Variants in ADORA1 observed in about 807,000 individuals in gnomAD.
ADORA1 encodes adenosine receptor A1.
In ADORA1, 6 loss-of-function variants were observed where a neutral mutation model predicts 19.9. The ratio of observed to expected loss-of-function variants is 0.30; its 90% CI spans 0.17 to 0.59. The LOEUF (loss-of-function observed/expected upper bound fraction) is 0.59. Among genes scored for constraint, ADORA1 ranks in the 20% least tolerant of loss-of-function variants. The pLI is 0.87. For synonymous variants in ADORA1, 194 were observed against 188.4 expected, an observed-to-expected ratio of 1.03 and a Z score of -0.24; for missense variants, 302 against 439.2, an observed-to-expected ratio of 0.69 and a Z score of 2.79.
intron 3 of ADORA1, among the ~76,000 whole-genome samples, chr1:203,153,237 G>C (rs965398119): frequency 1.3e-5 from 2 of 152,198 alleles, no homozygotes; most frequent in African/African-American, 4.8e-5. Context: ...ATCACACTGG[G>C]GATCCCTTTG....
At chr1:203,132,629 G>C (rs1654378016) in intron 3 of ADORA1, among the ~76,000 whole-genome samples, 1 of 152,122 alleles carries the variant, frequency 6.6e-6, no homozygotes, top group Non-Finnish European at 1.5e-5. Flanking sequence ...TATCCCTTGA[G>C]ACCAGGAGTT....
chr1:203,141,572 A>ATTTTTTTTT (rs56188119), intron 3 of ADORA1, among the ~76,000 whole-genome samples: 1 of 73,524 alleles, frequency 1.4e-5, no homozygotes, highest in African/African-American at 6.1e-5. Context: ...TCTAACCTGG[A>ATTTTTTTTT]TTTTTTTTTT....
chr1:203,163,762 T>G (rs1450147645), intron 3 of ADORA1, among the ~76,000 whole-genome samples: 1 of 152,150 alleles, frequency 6.6e-6, no homozygotes, highest in African/African-American at 2.4e-5. Flanking sequence ...TGGGCTTTGA[T>G]GGATGGTGAA....
At chr1:203,155,254 G>A (rs1655164319) in intron 3 of ADORA1, among the ~76,000 whole-genome samples, 1 of 151,904 alleles carries the variant, frequency 6.6e-6, no homozygotes, top group South Asian at 2.1e-4. Context: ...GTTGGCCAGG[G>A]TGGTCTCGAA....
At chr1:203,150,874 G>A (rs1655010072) in intron 3 of ADORA1, 4 of 1,179,066 alleles carry the variant, frequency 3.4e-6, no homozygotes, top group Middle Eastern at 3.6e-4. Flanking sequence ...GCTTTAGGGG[G>A]CCCTGACAGC....
intron 3 of ADORA1, chr1:203,129,564 A>C (rs1305017705): frequency 4.9e-6 from 1 of 202,814 alleles, no homozygotes; most frequent in African/African-American, 2.3e-5. Context: ...GAAGAGGAAG[A>C]GGAAGAGGCA....
Position 203,166,174 on chromosome 1 carries a change from T to G in ADORA1, c.*274T>G. 2.8e-6 allele frequency: 1 copy of G among 359,694 alleles called. No individual in the cohort carries two copies. The highest frequency in any genetic ancestry group is 4.9e-6 in the Non-Finnish European group (1 of 202,226). 22.3% of individuals were successfully genotyped at this position (359,694 alleles called of 1,614,324 possible). A position where few individuals can be genotyped will look rare whatever the true frequency, so the allele number is the denominator to read the frequency against. On this transcript the variant is annotated 3_prime_UTR_variant, in exon 4 of 4. Coordinates refer to ENST00000337894, the MANE Select transcript of ADORA1 (RefSeq NM_000674.3). The stretch of plus-strand genomic sequence containing the variant: ...ACAGTGTTCTGAGCCCCCACCTGCC[T>G]GACCATCCCATGAGCAGTCCAGAGC...
chr1:203,136,926 T>A (rs1379301081), intron 3 of ADORA1, among the ~76,000 whole-genome samples: 1 of 152,242 alleles, frequency 6.6e-6, no homozygotes, highest in Non-Finnish European at 1.5e-5. Context: ...TCTGTTGGGA[T>A]ACTTTCATTA....
At chr1:203,140,399 G>A (rs1387503594) in intron 3 of ADORA1, among the ~76,000 whole-genome samples, 1 of 152,196 alleles carries the variant, frequency 6.6e-6, no homozygotes, top group East Asian at 1.9e-4. Context: ...CGGGCTTACG[G>A]CTTAAGCCAC....
rs370072573 is a variant in ADORA1 at position 203,161,473 on chromosome 1, G to T, written c.342-3788G>T. ...AAATAAATAAATAGCCCACAGAGAA[G>T]GCAACTCTTAACCCAAAGGAACGTC... On this transcript the variant is annotated intron_variant, in intron 3 of 3. Transcript: ENST00000337894. Among the ~76,000 whole-genome samples, 37 of 151,880 alleles carry T rather than the reference G, an allele frequency of 2.4e-4. 1 individual carries two copies. The highest frequency in any genetic ancestry group is 8.0e-4 in the African/African-American group (33 of 41,332).
chr1:203,132,746 C>T (rs1373319292), intron 3 of ADORA1, among the ~76,000 whole-genome samples: 1 of 152,184 alleles, frequency 6.6e-6, no homozygotes, highest in Non-Finnish European at 1.5e-5. Flanking sequence ...ACTTGGGAGG[C>T]TGAGACAGGA....
chr1:203,132,019 C>A (rs1654356935), intron 3 of ADORA1, among the ~76,000 whole-genome samples: 1 of 152,192 alleles, frequency 6.6e-6, no homozygotes, highest in Non-Finnish European at 1.5e-5. Flanking sequence ...TTTGGTCAGT[C>A]AACCACAAAT....
chr1:203,127,964 C>G (rs957280746), intron 1 of ADORA1, 36 bp downstream of exon 1: 3 of 173,936 alleles, frequency 1.7e-5, no homozygotes, highest in African/African-American at 4.8e-5. Context: ...TGGGGCTCCC[C>G]AATGGGGGTG....
At chr1:203,134,584 G>A (rs555721844) in intron 3 of ADORA1, among the ~76,000 whole-genome samples, 1 of 152,316 alleles carries the variant, frequency 6.6e-6, no homozygotes, top group South Asian at 2.1e-4. Context: ...TCAGCTCTGC[G>A]TGGAAGCCGG....
At chr1:203,158,423 T>G (rs1412558912) in intron 3 of ADORA1, among the ~76,000 whole-genome samples, 1 of 152,196 alleles carries the variant, frequency 6.6e-6, no homozygotes, top group Non-Finnish European at 1.5e-5. Flanking sequence ...CTGTCCAAAT[T>G]TTCTGCTAGC....
At chr1:203,146,678 A>T (rs1176860600) in intron 3 of ADORA1, among the ~76,000 whole-genome samples, 2 of 151,924 alleles carry the variant, frequency 1.3e-5, no homozygotes, top group Non-Finnish European at 2.9e-5. Flanking sequence ...TGCAGATAAC[A>T]GAGAAATCAG....
At chr1:203,157,600 G>A (rs548456461) in intron 3 of ADORA1, among the ~76,000 whole-genome samples, 2 of 152,354 alleles carry the variant, frequency 1.3e-5, no homozygotes, top group Admixed American at 1.3e-4. Flanking sequence ...TCTCTGTGGT[G>A]GCTCTGTCCC....
chr1:203,145,064 T>G, intron 3 of ADORA1: 1 of 137,700 alleles, frequency 7.3e-6, no homozygotes, highest in Admixed American at 7.2e-5. Context: ...TTGAATTCAG[T>G]CCAGTCAAGG....
intron 3 of ADORA1, among the ~76,000 whole-genome samples, chr1:203,132,143 A>G (rs1050901828): frequency 6.6e-5 from 10 of 152,142 alleles, no homozygotes; most frequent in Non-Finnish European, 1.5e-4. Context: ...TTCATCAGTA[A>G]CCTGTGGTCA....
Sources: allele counts gnomAD v4.1 joint callset (sites outside exome capture counted in the v4.1 genomes callset), GRCh38; gene constraint gnomAD v4.1.1; transcripts MANE v1.5; gene names NCBI Gene and HGNC (gene_info 2026-07-23, HGNC 2026-07-21).